ADAMTSL3: variants seen among roughly 807,000 people sequenced by gnomAD.
ADAMTSL3 encodes ADAMTS-like protein 3.
In ADAMTSL3, 128 loss-of-function variants were observed where a neutral mutation model predicts 201.7. That is an observed-to-expected ratio of 0.63 (90% CI 0.55 to 0.73). ADAMTSL3 has a LOEUF of 0.73. Ranked by LOEUF, ADAMTSL3 falls within the 30% of genes least tolerant of loss-of-function variation. The probability of loss-of-function intolerance (pLI) is 0.00; values close to 1 mark genes in which losing one functional copy is unlikely to be tolerated. For synonymous variants in ADAMTSL3, 738 were observed against 748.4 expected, an observed-to-expected ratio of 0.99 and a Z score of 0.23; for missense variants, 1,990 against 2,119.6, an observed-to-expected ratio of 0.94 and a Z score of 1.20.
intron 6 of ADAMTSL3, among the ~76,000 whole-genome samples, chr15:83,835,968 A>C (rs2064261319): frequency 6.6e-6 from 1 of 152,236 alleles, no homozygotes; most frequent in Non-Finnish European, 1.5e-5. Flanking sequence ...TAATGTTTAG[A>C]TTCCTTATTT....
At chr15:83,715,108 A>T (rs1360110484) in intron 3 of ADAMTSL3, among the ~76,000 whole-genome samples, 1 of 152,066 alleles carries the variant, frequency 6.6e-6, no homozygotes, top group Non-Finnish European at 1.5e-5. Flanking sequence ...TGGGTGACTT[A>T]CTTATCCAAA....
At chr15:83,678,762 G>A (rs1343818305) in intron 2 of ADAMTSL3, among the ~76,000 whole-genome samples, 1 of 136,438 alleles carries the variant, frequency 7.3e-6, no homozygotes, top group African/African-American at 2.7e-5. Context: ...TATATATATT[G>A]TGTATATATA....
At chr15:83,670,029 G>A (rs1050613608) in intron 2 of ADAMTSL3, among the ~76,000 whole-genome samples, 15 of 151,626 alleles carry the variant, frequency 9.9e-5, no homozygotes, top group Admixed American at 3.9e-4. Flanking sequence ...AGGCCAAGGC[G>A]GGCAGATCAC....
At position 84,021,548 on chromosome 15, in the gene ADAMTSL3, C is replaced by T. The variant is rs565613330; in HGVS notation, c.4412C>T (p.Pro1471Leu). The change falls in exon 26 of 30, where the codon CCA becomes CTA. Residue 1471 changes from proline to leucine, a missense_variant. Pro to Leu is a moderately conservative substitution (Grantham distance 98). Coordinates refer to ENST00000286744, the MANE Select transcript of ADAMTSL3 (RefSeq NM_207517.3). ...GCCCTGTGTGATCACCTCCAGAAGC[C>T]ACTGGCTGGGTTTGAGCCCTGTAAC... ...SEALCDHLQK[P>L]LAGFEPCNIR... 6.2e-7 allele frequency: 1 copy of T among 1,614,174 alleles called. No homozygotes were observed. The highest frequency in any genetic ancestry group is 1.1e-5 in the South Asian group (1 of 91,078).
chr15:83,845,613 GTGTGTGTAATT>G (rs2064481276), intron 7 of ADAMTSL3, among the ~76,000 whole-genome samples: 2 of 152,108 alleles, frequency 1.3e-5, no homozygotes, highest in South Asian at 4.1e-4. Context: ...AATCTATTAA[GTGTGTGTAATT>G]TGTTCATTGT....
intron 4 of ADAMTSL3, among the ~76,000 whole-genome samples, chr15:83,791,264 C>T (rs2063340443): frequency 6.6e-6 from 1 of 151,980 alleles, no homozygotes; most frequent in African/African-American, 2.4e-5. Flanking sequence ...CATAAAAGAC[C>T]TCAAATAAAT....
chr15:83,723,690 A>T (rs2062132466), intron 3 of ADAMTSL3, among the ~76,000 whole-genome samples: 1 of 152,188 alleles, frequency 6.6e-6, no homozygotes, highest in African/African-American at 2.4e-5. Flanking sequence ...ACAGAATCAC[A>T]TAGGAAATCT....
At chr15:83,793,601 C>T (rs144774419) in intron 4 of ADAMTSL3, among the ~76,000 whole-genome samples, 534 of 152,134 alleles carry the variant, frequency 3.5e-3, no homozygotes, top group Non-Finnish European at 6.5e-3. Flanking sequence ...CTCTACCTCC[C>T]GAGTAGCTGG....
At chr15:83,656,158 G>A (rs1365035655) in intron 2 of ADAMTSL3, among the ~76,000 whole-genome samples, 1 of 152,174 alleles carries the variant, frequency 6.6e-6, no homozygotes, top group Non-Finnish European at 1.5e-5. Flanking sequence ...TGGGTTGCTG[G>A]AGACCAGGAA....
chr15:83,913,038 C>A, intron 15 of ADAMTSL3, 54 bp from the exon 16 acceptor site: 1 of 1,569,262 alleles, frequency 6.4e-7, no homozygotes, highest in South Asian at 1.2e-5. Flanking sequence ...CTTTTCTGGC[C>A]TATATTTAAT....
intron 3 of ADAMTSL3, among the ~76,000 whole-genome samples, chr15:83,733,095 C>T (rs558568007): frequency 3.3e-5 from 5 of 152,174 alleles, no homozygotes; most frequent in East Asian, 1.9e-4. Flanking sequence ...TTAAATTTAC[C>T]GTCTGGGTGT....
intron 28 of ADAMTSL3, among the ~76,000 whole-genome samples, chr15:84,035,071 C>T (rs2068480627): frequency 6.6e-6 from 1 of 152,106 alleles, no homozygotes; most frequent in African/African-American, 2.4e-5. Flanking sequence ...CTACTGTATC[C>T]TTAGTGAGCA....
At chr15:83,898,098 C>A in intron 14 of ADAMTSL3, 93 bp downstream of exon 14, 1 of 1,416,748 alleles carries the variant, frequency 7.1e-7, no homozygotes, top group Non-Finnish European at 9.6e-7. Flanking sequence ...TTACTACTTT[C>A]TTATAAAAAT....
intron 8 of ADAMTSL3, among the ~76,000 whole-genome samples, chr15:83,867,714 C>A (rs2065005982): frequency 2.0e-5 from 3 of 152,192 alleles, no homozygotes; most frequent in South Asian, 2.1e-4. Flanking sequence ...CCATGCTAAA[C>A]ACTCATTCCA....
At chr15:83,655,037 T>C (rs922199555) in intron 1 of ADAMTSL3, among the ~76,000 whole-genome samples, 1 of 152,170 alleles carries the variant, frequency 6.6e-6, no homozygotes, top group Admixed American at 6.5e-5. Flanking sequence ...CTGATTTCCC[T>C]GTAAATTGAC....
In ADAMTSL3 at chr15:83,823,932, T is replaced by C. The variant is rs201966337; in HGVS notation, c.600+3885T>C. On this transcript the variant is annotated intron_variant, in intron 6 of 29. Coordinates refer to ENST00000286744, the MANE Select transcript of ADAMTSL3 (RefSeq NM_207517.3). The stretch of plus-strand genomic sequence containing the variant: ...CTTCTTCTTCTTCTTCTTCTTCTTC[T>C]TCTTCTTCTTCTTCTTCTTCTTCTT... Among the ~76,000 whole-genome samples, 171 of 115,730 alleles carry C rather than the reference T, an allele frequency of 1.5e-3. 10 individuals are homozygous for C. Among genetic ancestry groups the C allele is most frequent in the East Asian group, 5.9e-3 (24 of 4,054 alleles). 75.9% of individuals were successfully genotyped at this position (115,730 alleles called of 152,430 possible).
rs747201110 is a variant in ADAMTSL3 at position 83,819,839 on chromosome 15, G to C, written c.392G>C (p.Arg131Thr). Residue 131 changes from arginine to threonine, a missense_variant, in exon 6 of 30, where the codon AGA becomes ACA. By Grantham distance (71) the Arg-to-Thr change is moderately conservative. Transcript: ENST00000286744. ...TGCCCTCCAGATGCAGAAGATTTCA[G>C]AGCCCAGCAGTGCTCAGCCTACAAT... ...HDCPPDAEDFRAQQCSAYNDV... is the reference protein window; with the variant it reads ...HDCPPDAEDFTAQQCSAYNDV... 1 of 1,613,968 alleles carries C rather than the reference G, an allele frequency of 6.2e-7. No homozygotes were observed.
chr15:83,811,988 T>C (rs1396695431), intron 5 of ADAMTSL3, among the ~76,000 whole-genome samples: 1 of 152,172 alleles, frequency 6.6e-6, no homozygotes, highest in Non-Finnish European at 1.5e-5. Context: ...AGCTTCAGTG[T>C]TGATAATCTG....
Position 84,039,026 on chromosome 15 carries a change from G to A in ADAMTSL3, c.*1220G>A, listed in dbSNP as rs2068558799. 1 of 152,686 alleles carries A rather than the reference G, an allele frequency of 6.5e-6. No individual in the cohort carries two copies. The highest frequency in any genetic ancestry group is 1.5e-5 in the Non-Finnish European group (1 of 68,130). The allele number at this position is 152,686 out of a possible 1,614,324, so 9.5% of individuals were successfully genotyped here. On this transcript the variant is annotated 3_prime_UTR_variant, in exon 30 of 30. Coordinates refer to ENST00000286744, the MANE Select transcript of ADAMTSL3 (RefSeq NM_207517.3). ...GTGATAGTGTCAGGATGGAGGTTAG[G>A]TTTGGAGTAAGCGTTGTTGCTGAAG...
Sources: gnomAD v4.1 joint callset for allele counts (sites outside exome capture counted in the v4.1 genomes callset) on GRCh38, gnomAD v4.1.1 for gene constraint, MANE v1.5 for transcripts, NCBI Gene and HGNC (gene_info 2026-07-23, HGNC 2026-07-21) for gene names.